Variants in ANGPTL2 observed in about 807,000 individuals in gnomAD.
The protein encoded by ANGPTL2 is angiopoietin like 2.
A neutral mutation model predicts 52.8 loss-of-function variants in ANGPTL2; 25 were observed. The observed-to-expected ratio is 0.47, with a 90% CI of 0.35 to 0.66. The LOEUF (loss-of-function observed/expected upper bound fraction) is 0.66, where lower values mean the gene tolerates loss of function less well. ANGPTL2 is among the 30% of genes least tolerant of loss of function. The probability of loss-of-function intolerance (pLI) is 0.01; values close to 1 mark genes in which losing one functional copy is unlikely to be tolerated. For missense variants in ANGPTL2, 546 were observed against 656.9 expected (o/e 0.83, Z 1.84); for synonymous variants, 276 against 277.4 (o/e 1.00, Z 0.05).
At chr9:127,110,738 C>T (rs1057097460) in intron 1 of ANGPTL2, among the ~76,000 whole-genome samples, 3 of 152,140 alleles carry the variant, frequency 2.0e-5, no homozygotes, top group Non-Finnish European at 2.9e-5. Context: ...TCATCCTAGA[C>T]GCCTTTCTTT....
chr9:127,096,722 C>T (rs1010767677), intron 2 of ANGPTL2, among the ~76,000 whole-genome samples: 7 of 152,218 alleles, frequency 4.6e-5, no homozygotes, highest in Admixed American at 3.9e-4. Flanking sequence ...CAGAAAAATG[C>T]ACAGACTCAC....
At chr9:127,110,044 C>T (rs1208390700) in intron 1 of ANGPTL2, among the ~76,000 whole-genome samples, 1 of 152,104 alleles carries the variant, frequency 6.6e-6, no homozygotes, top group Admixed American at 6.5e-5. Flanking sequence ...AACTTAAAAC[C>T]CTCTCTTGAC....
chr9:127,100,817 G>T (rs1412105046), intron 2 of ANGPTL2, among the ~76,000 whole-genome samples: 1 of 152,216 alleles, frequency 6.6e-6, no homozygotes, highest in Non-Finnish European at 1.5e-5. Flanking sequence ...GAAGGGATCA[G>T]CTTCATTGGT....
At chr9:127,092,051 C>A (rs1173548199) in intron 3 of ANGPTL2, 111 bp from the exon 4 acceptor site, 16 of 1,366,258 alleles carry the variant, frequency 1.2e-5, no homozygotes, top group Non-Finnish European at 9.0e-6. Context: ...ACAAGCAGAG[C>A]ATGAAGCAGA....
chr9:127,089,162 G>C (rs187115250), intron 4 of ANGPTL2, 24 bp from the exon 5 acceptor site: 1 of 1,613,088 alleles, frequency 6.2e-7, no homozygotes, highest in Non-Finnish European at 8.5e-7. Context: ...GGCAGTGAGA[G>C]GGTGTCTGGG....
At chr9:127,118,761 C>A (rs1255559776) in intron 1 of ANGPTL2, among the ~76,000 whole-genome samples, 1 of 152,232 alleles carries the variant, frequency 6.6e-6, no homozygotes, top group Non-Finnish European at 1.5e-5. Context: ...GAGCCCCTCC[C>A]CCATCTGCCT....
In ANGPTL2 at chr9:127,121,663, C is replaced by T. The variant is rs550407916; in HGVS notation, c.-50+652G>A. Among the ~76,000 whole-genome samples the T allele has an allele frequency of 5.9e-5, 9 of 152,350 alleles. No individual in the cohort carries two copies. The East Asian group carries it at 1.3e-3, about 23-fold the overall frequency. Reference sequence around the variant, plus strand: ...CCCCTTGCGGGGGTACCAGGGAAGCCGCATCCTCCCTGTATCTTGGCCACA... The same window carrying T: ...CCCCTTGCGGGGGTACCAGGGAAGCTGCATCCTCCCTGTATCTTGGCCACA... On this transcript the variant is annotated intron_variant, in intron 1 of 4. Transcript: ENST00000373425.
intron 2 of ANGPTL2, 46 bp downstream of exon 2, chr9:127,107,869 G>A: frequency 1.3e-6 from 2 of 1,498,262 alleles, no homozygotes; most frequent in Non-Finnish European, 1.8e-6. Flanking sequence ...GAAGCCTGGT[G>A]CCTGGCTCTG....
In ANGPTL2 at chr9:127,088,435, C is replaced by T. The variant is rs1016671799; in HGVS notation, c.*504G>A. On this transcript the variant is annotated 3_prime_UTR_variant, in exon 5 of 5. Coordinates refer to ENST00000373425, the MANE Select transcript of ANGPTL2 (RefSeq NM_012098.3). Reference sequence around the variant, plus strand: ...ACCCTTAGACTCAAGTAATACAACACTAATGAAATGCTTTTCTCCTAAGAG... The same window carrying T: ...ACCCTTAGACTCAAGTAATACAACATTAATGAAATGCTTTTCTCCTAAGAG... 1.3e-4 allele frequency: 21 copies of T among 166,388 alleles called. No homozygotes were observed. The highest frequency in any genetic ancestry group is 1.0e-4 in the Non-Finnish European group (8 of 76,584). The allele number at this position is 166,388 out of a possible 1,614,324, so 10.3% of individuals were successfully genotyped here.
At chr9:127,100,478 A>G (rs1239257854) in intron 2 of ANGPTL2, among the ~76,000 whole-genome samples, 4 of 152,148 alleles carry the variant, frequency 2.6e-5, no homozygotes, top group African/African-American at 9.7e-5. Context: ...AGGAGGAGAA[A>G]CAGGGGCTTT....
At position 127,108,529 on chromosome 9, in the gene ANGPTL2, G is replaced by C; in HGVS notation, c.203C>G (p.Ala68Gly). Residue 68 changes from alanine to glycine, a missense_variant, in exon 2 of 5, where the codon GCC (alanine) becomes GGC (glycine). Ala to Gly is a moderately conservative substitution (Grantham distance 60). This residue lies in a region of ANGPTL2 where 285 missense variants were observed against 295.8 expected (regional missense o/e 0.96). Transcript: ENST00000373425. ...FIVPQQRVTG[A>G]ICVNSKEPEV... ...AGGCTCCTTGGAGTTGACGCAGATG[G>C]CACCCGTGACCCGCTGCTGGGGCAC... 6.2e-6 allele frequency: 10 copies of C among 1,613,034 alleles called. No individual in the cohort carries two copies. Among genetic ancestry groups the C allele is most frequent in the Non-Finnish European group, 7.6e-6 (9 of 1,179,738 alleles).
At chr9:127,097,291 G>A (rs1219534602) in intron 2 of ANGPTL2, among the ~76,000 whole-genome samples, 2 of 152,318 alleles carry the variant, frequency 1.3e-5, no homozygotes, top group East Asian at 1.9e-4. Flanking sequence ...GGCAAACGGG[G>A]TAATTCTTTT....
chr9:127,105,238 A>G (rs2054107608), intron 2 of ANGPTL2, among the ~76,000 whole-genome samples: 1 of 152,212 alleles, frequency 6.6e-6, no homozygotes, highest in Non-Finnish European at 1.5e-5. Flanking sequence ...ATAAATTCTA[A>G]TGCATTCCAG....
At chr9:127,089,304 G>A (rs2052160044) in intron 4 of ANGPTL2, among the ~76,000 whole-genome samples, 166 bp from the exon 5 acceptor site, 2 of 152,210 alleles carry the variant, frequency 1.3e-5, no homozygotes, top group East Asian at 1.9e-4. Context: ...CTTCAGGCCC[G>A]CCTTTGAGGC....
At chr9:127,119,145 C>G (rs116464141) in intron 1 of ANGPTL2, among the ~76,000 whole-genome samples, 1 of 152,186 alleles carries the variant, frequency 6.6e-6, no homozygotes. Flanking sequence ...AGTCAGCCAA[C>G]CTGGTTTCGA....
intron 1 of ANGPTL2, among the ~76,000 whole-genome samples, chr9:127,111,163 G>A (rs2054772733): frequency 6.6e-6 from 1 of 152,130 alleles, no homozygotes; most frequent in South Asian, 2.1e-4. Context: ...TCTAAGCACA[G>A]TTAGGACTCA....
intron 1 of ANGPTL2, among the ~76,000 whole-genome samples, chr9:127,119,654 C>CT (rs2055835710): frequency 6.6e-6 from 1 of 152,142 alleles, no homozygotes; most frequent in Admixed American, 6.5e-5. Context: ...TGGGTACTTC[C>CT]TAAATCACTG....
In ANGPTL2 at chr9:127,091,529, G is replaced by A; in HGVS notation, c.1282+141C>T. 8.7e-7 allele frequency: 1 copy of A among 1,147,974 alleles called. No individual in the cohort carries two copies. Among genetic ancestry groups the A allele is most frequent in the Non-Finnish European group, 1.2e-6 (1 of 811,666 alleles). 71.1% of individuals were successfully genotyped at this position (1,147,974 alleles called of 1,614,324 possible). ...GGGCAGGAGAAGGGACCCTCAGGGGGTGGTAACAGGGTCAGGCAGCTTGGC... is the reference window on the plus strand; with the variant it reads ...GGGCAGGAGAAGGGACCCTCAGGGGATGGTAACAGGGTCAGGCAGCTTGGC... On this transcript the variant is annotated intron_variant, in intron 4 of 4. Transcript: ENST00000373425. The surrounding 1 kb of genome is among the most constrained non-coding windows in gnomAD (Gnocchi z 4.3).
intron 2 of ANGPTL2, among the ~76,000 whole-genome samples, chr9:127,103,050 G>A (rs187721250): frequency 2.6e-5 from 4 of 152,228 alleles, no homozygotes; most frequent in Admixed American, 2.6e-4. Flanking sequence ...GCAGTGCTTG[G>A]GCCTGGATGC....
Sources: gnomAD v4.1 joint callset for allele counts (sites outside exome capture counted in the v4.1 genomes callset) on GRCh38, gnomAD v4.1.1 for gene constraint, gnomAD v4.1.1 regional missense constraint, Gnocchi (gnomAD v3.1) non-coding constraint, MANE v1.5 for transcripts, NCBI Gene and HGNC (gene_info 2026-07-23, HGNC 2026-07-21) for gene names.